Variants in LRRC27 observed in about 807,000 individuals in gnomAD.
LRRC27 encodes the protein leucine rich repeat containing 27.
Under a neutral mutation model 55.0 loss-of-function variants are expected in LRRC27, and 57 were observed. That is an observed-to-expected ratio of 1.04 (90% CI 0.84 to 1.29). The LOEUF is 1.29. Ranked by LOEUF, LRRC27 falls within the 50% of genes most tolerant of loss-of-function variation. LRRC27 has a pLI of 0.00. For missense variants in LRRC27, 721 were observed against 651.5 expected (o/e 1.11, Z -1.16); for synonymous variants, 278 against 251.9 (o/e 1.10, Z -0.98).
intron 7 of LRRC27, 42 bp downstream of exon 7, chr10:132,351,795 G>A: frequency 3.2e-6 from 5 of 1,566,512 alleles, no homozygotes; most frequent in Non-Finnish European, 4.3e-6. Flanking sequence ...CCCGCCCAGT[G>A]CACCCGGAAC....
upstream of LRRC27, chr10:132,331,936 A>AC (rs66639442): frequency 3.3e-3 from 1,211 of 366,248 alleles, 16 homozygotes; most frequent in African/African-American, 0.036. Context: ...CGCAAGCGCA[A>AC]CCCCCCGCCC....
rs186947050 is a variant in LRRC27 at position 132,361,305 on chromosome 10, A to G, written c.1171-152A>G. 2.1e-4 allele frequency: 146 copies of G among 708,222 alleles called. No homozygotes were observed. In the African/African-American group the frequency reaches 2.1e-3, roughly 10 times the overall value. 43.9% of individuals were successfully genotyped at this position (708,222 alleles called of 1,614,324 possible). A position where few individuals can be genotyped will look rare whatever the true frequency, so the allele number is the denominator to read the frequency against. On this transcript the variant is annotated intron_variant, in intron 8 of 10. Transcript: ENST00000368614. The stretch of plus-strand genomic sequence containing the variant: ...CGAGAGCTAGCCAAGACCTGGGGGG[A>G]TGACTGCGTTGCACAGGGACCGTCT...
intron 3 of LRRC27, among the ~76,000 whole-genome samples, chr10:132,339,066 G>A (rs1459075201): frequency 2.0e-5 from 3 of 152,194 alleles, no homozygotes; most frequent in East Asian, 1.9e-4. Context: ...CTGGGGCCAC[G>A]GCAGCAGCCC....
chr10:132,331,081 G>A (rs779576227), upstream of LRRC27, among the ~76,000 whole-genome samples: 2 of 150,368 alleles, frequency 1.3e-5, no homozygotes, highest in African/African-American at 4.9e-5. Flanking sequence ...CGCGCCTGTA[G>A]TCCCAGCTAC....
Position 132,365,506 on chromosome 10 carries a change from G to T in LRRC27, c.1372G>T (p.Ala458Ser). The change falls in exon 10 of 11, where the codon GCC becomes TCC. Residue 458 changes from alanine to serine, a missense_variant. By Grantham distance (99) the Ala-to-Ser change is moderately conservative (BLOSUM62 1). Coordinates refer to ENST00000368614, the MANE Select transcript of LRRC27 (RefSeq NM_030626.3). ...TGAGCAAAGAAGATTCCATGGCCAG[G>T]CCCCACTGGAGGAGATGAGGAAGGC... Reference protein sequence around the residue: ...MREQRRFHGQAPLEEMRKAAE... With the variant: ...MREQRRFHGQSPLEEMRKAAE... 4 of 1,613,690 alleles carry T rather than the reference G, an allele frequency of 2.5e-6. No individual in the cohort carries two copies. The highest frequency in any genetic ancestry group is 1.7e-5 in the Admixed American group (1 of 60,022).
At chr10:132,357,466 C>T (rs1192590538) in intron 8 of LRRC27, among the ~76,000 whole-genome samples, 2 of 152,248 alleles carry the variant, frequency 1.3e-5, no homozygotes, top group African/African-American at 4.8e-5. Flanking sequence ...AGACCATGAG[C>T]TGCCTCTGTG....
intron 9 of LRRC27, among the ~76,000 whole-genome samples, chr10:132,363,622 C>G (rs1457154090): frequency 1.3e-5 from 2 of 152,220 alleles, no homozygotes; most frequent in African/African-American, 4.8e-5. Flanking sequence ...CTGCACCAGG[C>G]TCGCTGTGGC....
chr10:132,333,372 A>G (rs1008763440), intron 1 of LRRC27, 105 bp from the exon 2 acceptor site: 3 of 445,136 alleles, frequency 6.7e-6, no homozygotes, highest in African/African-American at 6.1e-5. Context: ...AGGAAAAATG[A>G]TAGCTTTTAA....
At chr10:132,366,997 C>A in intron 10 of LRRC27, 1 of 1,225,814 alleles carries the variant, frequency 8.2e-7, no homozygotes, top group South Asian at 1.4e-5. Context: ...CTTATTCTTT[C>A]TAAATCCATC....
chr10:132,361,363 G>C, intron 8 of LRRC27, 94 bp from the exon 9 acceptor site: 2 of 1,067,946 alleles, frequency 1.9e-6, no homozygotes, highest in Non-Finnish European at 2.9e-6. Flanking sequence ...CCTCTTCGTG[G>C]ACGAGGAGCT....
intron 9 of LRRC27, among the ~76,000 whole-genome samples, chr10:132,364,898 C>T (rs968455660): frequency 3.1e-4 from 18 of 57,144 alleles, no homozygotes; most frequent in Non-Finnish European, 5.7e-4. Context: ...CCACAGCTCA[C>T]CTGCAGCAGA....
chr10:132,363,233 C>A (rs552916995), intron 9 of LRRC27, among the ~76,000 whole-genome samples: 1 of 133,652 alleles, frequency 7.5e-6, no homozygotes, highest in African/African-American at 2.8e-5. Context: ...CACAGCAGCT[C>A]GGGGGTCAGG....
intron 7 of LRRC27, among the ~76,000 whole-genome samples, chr10:132,355,348 A>G (rs2068257785): frequency 6.6e-6 from 1 of 152,212 alleles, no homozygotes; most frequent in East Asian, 1.9e-4. Flanking sequence ...TGTTTTTAAA[A>G]GTGAAATTCA....
intron 10 of LRRC27, among the ~76,000 whole-genome samples, chr10:132,370,314 A>G (rs192469502): frequency 1.1e-3 from 164 of 152,342 alleles, no homozygotes; most frequent in Non-Finnish European, 2.0e-3. Flanking sequence ...GCCAAGATCC[A>G]GGGAGGGATG....
Position 132,366,728 on chromosome 10 carries a change from G to T in LRRC27, c.1416+1178G>T, listed in dbSNP as rs1014821458. On this transcript the variant is annotated intron_variant, in intron 10 of 10. Transcript: ENST00000368614. ...GTCAGGCTGGTGCGAGCTGCATCGGGGCTGCCCCCAGAGCACGCAGCACTG... is the reference window on the plus strand; with the variant it reads ...GTCAGGCTGGTGCGAGCTGCATCGGTGCTGCCCCCAGAGCACGCAGCACTG... 16 of 746,614 alleles carry T rather than the reference G, an allele frequency of 2.1e-5. No homozygotes were observed. In the African/African-American group the frequency reaches 3.0e-4, roughly 14 times the overall value. 46.2% of individuals were successfully genotyped at this position (746,614 alleles called of 1,614,324 possible). A position where few individuals can be genotyped will look rare whatever the true frequency, so the allele number is the denominator to read the frequency against.
rs1014563654 is a variant in LRRC27 at position 132,375,484 on chromosome 10, C to T, written c.*242C>T. ...CACGTGGTCTCGCCTTCCCTTCTTC[C>T]TGCAGGTTCCCGCCAAGCCATGTGA... On this transcript the variant is annotated 3_prime_UTR_variant, in exon 11 of 11. Coordinates refer to ENST00000368614, the MANE Select transcript of LRRC27 (RefSeq NM_030626.3). 4.7e-5 allele frequency: 20 copies of T among 428,288 alleles called. No individual in the cohort carries two copies. In the Admixed American group the frequency reaches 6.9e-4, roughly 15 times the overall value. 26.5% of individuals were successfully genotyped at this position (428,288 alleles called of 1,614,324 possible). A position where few individuals can be genotyped will look rare whatever the true frequency, so the allele number is the denominator to read the frequency against.
At chr10:132,331,299 T>C (rs1211872699), upstream of LRRC27, 2 of 856,534 alleles carry the variant, frequency 2.3e-6, no homozygotes, top group Non-Finnish European at 3.5e-6. Flanking sequence ...GGGTGCTACT[T>C]TTCATTATCA....
intron 7 of LRRC27, 104 bp from the exon 8 acceptor site, chr10:132,355,686 C>G: frequency 1.2e-6 from 1 of 836,900 alleles, no homozygotes. Flanking sequence ...AGCCTGTGCC[C>G]CCTGGAGACA....
At chr10:132,364,384 T>TACACCCACCCACACTC (rs2068827265) in intron 9 of LRRC27, among the ~76,000 whole-genome samples, 1 of 80,604 alleles carries the variant, frequency 1.2e-5, no homozygotes, top group African/African-American at 8.4e-5. Flanking sequence ...CACCCACACT[T>TACACCCACCCACACTC]ACACCCACCC....
Sources: gnomAD v4.1 joint callset for allele counts (sites outside exome capture counted in the v4.1 genomes callset) on GRCh38, gnomAD v4.1.1 for gene constraint, MANE v1.5 for transcripts, NCBI Gene and HGNC (gene_info 2026-07-23, HGNC 2026-07-21) for gene names.